The following PRKG1 variants were observed in gnomAD, a reference collection of about 807,000 sequenced individuals.
PRKG1 encodes the protein cGMP-dependent protein kinase 1.
Under a neutral mutation model 88.1 loss-of-function variants are expected in PRKG1, and 35 were observed. The ratio of observed to expected loss-of-function variants is 0.40; its 90% CI spans 0.30 to 0.53. The LOEUF is 0.53. Among genes scored for constraint, PRKG1 ranks in the 20% least tolerant of loss-of-function variants. The pLI is 0.59. For synonymous variants in PRKG1, 303 were observed against 292.5 expected (o/e 1.04, Z -0.37); for missense variants, 540 against 839.8 (o/e 0.64, Z 4.41).
chr10:51,428,305 G>C (rs149355832), intron 2 of PRKG1, among the ~76,000 whole-genome samples: 1 of 152,160 alleles, frequency 6.6e-6, no homozygotes, highest in Non-Finnish European at 1.5e-5. Context: ...GCCTCAATGA[G>C]TTAACTCTTA....
chr10:51,486,889 TTTTTTCTGAAGG>T (rs1840559922), intron 3 of PRKG1, among the ~76,000 whole-genome samples: 1 of 152,150 alleles, frequency 6.6e-6, no homozygotes, highest in African/African-American at 2.4e-5. Context: ...GCGGTAGTTA[TTTTTTCTGAAGG>T]ATATTGTCCT....
intron 3 of PRKG1, among the ~76,000 whole-genome samples, chr10:51,534,923 A>G (rs1842109024): frequency 6.6e-6 from 1 of 152,164 alleles, no homozygotes; most frequent in Non-Finnish European, 1.5e-5. Context: ...TTATACATAG[A>G]TCTCTGTAAA....
At chr10:51,874,964 G>A (rs1433750943) in intron 4 of PRKG1, among the ~76,000 whole-genome samples, 3 of 152,090 alleles carry the variant, frequency 2.0e-5, no homozygotes, top group Non-Finnish European at 4.4e-5. Flanking sequence ...GAGAGGGCAG[G>A]GCCAGAATCT....
At chr10:51,016,692 T>TTTTTTTTTTTTTTTTTTTC (rs1554830040) in intron 1 of PRKG1, among the ~76,000 whole-genome samples, 5 of 133,290 alleles carry the variant, frequency 3.8e-5, no homozygotes, top group African/African-American at 1.5e-4. Flanking sequence ...TTTTTTTTTT[T>TTTTTTTTTTTTTTTTTTTC]GGAATCTTGC....
chr10:51,474,529 G>A (rs930051434), intron 3 of PRKG1, among the ~76,000 whole-genome samples: 1 of 151,902 alleles, frequency 6.6e-6, no homozygotes, highest in Non-Finnish European at 1.5e-5. Context: ...AGAACCTATT[G>A]CAGGATCTAC....
chr10:52,163,567 G>A (rs560138429), intron 9 of PRKG1, among the ~76,000 whole-genome samples: 1 of 151,864 alleles, frequency 6.6e-6, no homozygotes, highest in African/African-American at 2.4e-5. Flanking sequence ...ACTTTAGAAG[G>A]ATTTTCTAAT....
At chr10:51,905,982 T>C (rs1395965074) in intron 4 of PRKG1, among the ~76,000 whole-genome samples, 1 of 151,922 alleles carries the variant, frequency 6.6e-6, no homozygotes, top group Non-Finnish European at 1.5e-5. Flanking sequence ...ATCCAATTAA[T>C]TATCTAATTA....
At chr10:51,626,162 G>A (rs969665493) in intron 3 of PRKG1, among the ~76,000 whole-genome samples, 2 of 152,100 alleles carry the variant, frequency 1.3e-5, no homozygotes, top group African/African-American at 4.8e-5. Flanking sequence ...TACGATTGTG[G>A]GAATGACTGG....
At chr10:51,860,409 C>T (rs981620946) in intron 4 of PRKG1, among the ~76,000 whole-genome samples, 5 of 152,190 alleles carry the variant, frequency 3.3e-5, no homozygotes, top group Admixed American at 6.5e-5. Context: ...TGGTGAATCA[C>T]TTACTGGTTC....
At position 51,255,707 on chromosome 10, in the gene PRKG1, A is replaced by G. The variant is rs56041514; in HGVS notation, c.478+102377A>G. Among the ~76,000 whole-genome samples the G allele has an allele frequency of 3.4e-3, 511 of 152,168 alleles. 5 individuals carry two copies. The highest frequency in any genetic ancestry group is 0.011 in the African/African-American group (441 of 41,502). On this transcript the variant is annotated intron_variant, in intron 2 of 17. Transcript: ENST00000373980. ...TAACTTCCCAGGTGCTTCCCAGCTG[A>G]GGCACTTTTATTAAATGGTTAGGCT...
chr10:51,651,777 T>C (rs1840045330), intron 3 of PRKG1, among the ~76,000 whole-genome samples: 1 of 151,638 alleles, frequency 6.6e-6, no homozygotes, highest in Non-Finnish European at 1.5e-5. Context: ...AAAGACAGGG[T>C]TTCACCATGT....
intron 3 of PRKG1, among the ~76,000 whole-genome samples, chr10:51,638,585 A>G (rs1459553205): frequency 6.6e-6 from 1 of 152,222 alleles, no homozygotes; most frequent in Admixed American, 6.5e-5. Flanking sequence ...TCTGATGTTC[A>G]TGTACTTTGA....
At chr10:52,181,019 C>A (rs1000054800) in intron 9 of PRKG1, among the ~76,000 whole-genome samples, 1 of 152,156 alleles carries the variant, frequency 6.6e-6, no homozygotes, top group Non-Finnish European at 1.5e-5. Flanking sequence ...GGCTGTTTGG[C>A]CAGCCTGGGT....
intron 1 of PRKG1, among the ~76,000 whole-genome samples, chr10:51,011,405 G>A (rs1009236): frequency 0.27 from 40,772 of 151,824 alleles, 5,594 homozygotes; most frequent in Admixed American, 0.32. Context: ...AAATTCACCC[G>A]CAACTGAAAT....
intron 3 of PRKG1, among the ~76,000 whole-genome samples, chr10:51,754,900 G>T (rs1240477683): frequency 2.0e-5 from 3 of 151,794 alleles, no homozygotes; most frequent in Non-Finnish European, 4.4e-5. Flanking sequence ...AGCAGTGCTG[G>T]ATTGGATGAG....
chr10:51,535,008 T>C (rs1465106621), intron 3 of PRKG1, among the ~76,000 whole-genome samples: 2 of 152,212 alleles, frequency 1.3e-5, no homozygotes, highest in Non-Finnish European at 2.9e-5. Context: ...ATAATTGATG[T>C]ACCCTTTATG....
At chr10:52,027,712 T>C (rs988429209) in intron 5 of PRKG1, among the ~76,000 whole-genome samples, 1 of 152,164 alleles carries the variant, frequency 6.6e-6, no homozygotes, top group Non-Finnish European at 1.5e-5. Flanking sequence ...TGGTTTAATA[T>C]AAAGCAAAAA....
At chr10:51,900,105 T>C (rs1340548908) in intron 4 of PRKG1, among the ~76,000 whole-genome samples, 1 of 152,198 alleles carries the variant, frequency 6.6e-6, no homozygotes, top group South Asian at 2.1e-4. Context: ...TTCTTTTCTT[T>C]GTAAATTACC....
At chr10:52,279,214 T>G (rs932713250) in intron 12 of PRKG1, among the ~76,000 whole-genome samples, 28 of 152,116 alleles carry the variant, frequency 1.8e-4, no homozygotes, top group African/African-American at 6.8e-4. Context: ...ATTATAAAAT[T>G]TTAACTCTGC....
Sources: gnomAD v4.1 joint callset for allele counts (sites outside exome capture counted in the v4.1 genomes callset) on GRCh38, gnomAD v4.1.1 for gene constraint, MANE v1.5 for transcripts, NCBI Gene and HGNC (gene_info 2026-07-23, HGNC 2026-07-21) for gene names.